MBD5: variants seen among roughly 807,000 people sequenced by gnomAD.
MBD5 encodes methyl-CpG binding domain protein 5.
MBD5 carries 13 observed loss-of-function variants against 117.3 expected under a neutral mutation model. The ratio of observed to expected loss-of-function variants is 0.11; its 90% CI spans 0.07 to 0.18. The LOEUF (loss-of-function observed/expected upper bound fraction) is 0.18, where lower values mean the gene tolerates loss of function less well. MBD5 is among the 10% of genes least tolerant of loss of function. The probability of loss-of-function intolerance (pLI) is 1.00; values close to 1 mark genes in which losing one functional copy is unlikely to be tolerated. For missense variants in MBD5, 1,879 were observed against 2,093.8 expected (o/e 0.90, Z 2.00); for synonymous variants, 727 against 766.4 (o/e 0.95, Z 0.85).
chr2:148,297,168 G>T (rs1257468597), intron 3 of MBD5, among the ~76,000 whole-genome samples: 1 of 152,114 alleles, frequency 6.6e-6, no homozygotes, highest in Non-Finnish European at 1.5e-5. Flanking sequence ...TTACAGGCAT[G>T]AGTTACCGTG....
chr2:148,322,148 C>A (rs1702298193), intron 3 of MBD5, among the ~76,000 whole-genome samples: 1 of 152,194 alleles, frequency 6.6e-6, no homozygotes. Context: ...CAAATTTCTA[C>A]AGTGTAAAGT....
intron 1 of MBD5, among the ~76,000 whole-genome samples, chr2:148,106,964 C>T (rs1248673728): frequency 6.6e-6 from 1 of 151,940 alleles, no homozygotes; most frequent in Non-Finnish European, 1.5e-5. Flanking sequence ...ATTCCTTTGG[C>T]ATTACAGATC....
chr2:148,484,345 A>G (rs1337125683), intron 9 of MBD5, among the ~76,000 whole-genome samples: 1 of 152,190 alleles, frequency 6.6e-6, no homozygotes, highest in Non-Finnish European at 1.5e-5. Context: ...TATTCTAGCA[A>G]TACTAAATAT....
chr2:148,302,214 A>G (rs1701789638), intron 3 of MBD5, among the ~76,000 whole-genome samples: 1 of 152,228 alleles, frequency 6.6e-6, no homozygotes, highest in East Asian at 1.9e-4. Context: ...GGCATGAAGA[A>G]TAGATTGGAG....
At chr2:148,114,186 A>G (rs1484759461) in intron 1 of MBD5, among the ~76,000 whole-genome samples, 1 of 152,042 alleles carries the variant, frequency 6.6e-6, no homozygotes, top group Non-Finnish European at 1.5e-5. Flanking sequence ...GAGTATTCCC[A>G]TGGCCAGGCA....
chr2:148,352,860 G>A (rs139410489), intron 4 of MBD5, among the ~76,000 whole-genome samples: 2 of 152,170 alleles, frequency 1.3e-5, no homozygotes, highest in African/African-American at 4.8e-5. Flanking sequence ...TTCTTTTGAA[G>A]TGATAACATA....
chr2:148,155,557 A>C (rs150310087), intron 1 of MBD5, among the ~76,000 whole-genome samples: 2 of 152,106 alleles, frequency 1.3e-5, no homozygotes, highest in African/African-American at 4.8e-5. Context: ...TCCAACTCCT[A>C]TGTTACTCTT....
At chr2:148,419,714 A>G (rs1705538932) in intron 4 of MBD5, among the ~76,000 whole-genome samples, 1 of 152,132 alleles carries the variant, frequency 6.6e-6, no homozygotes, top group South Asian at 2.1e-4. Context: ...TGTTAGTATT[A>G]TATCCAGCCA....
intron 4 of MBD5, among the ~76,000 whole-genome samples, chr2:148,413,205 C>T (rs1403754506): frequency 2.6e-5 from 4 of 152,154 alleles, no homozygotes; most frequent in Non-Finnish European, 2.9e-5. Context: ...GCCTATTCTG[C>T]GTCTATTAAG....
chr2:148,226,121 T>TC (rs1388694379), intron 2 of MBD5, among the ~76,000 whole-genome samples: 1 of 152,138 alleles, frequency 6.6e-6, no homozygotes, highest in African/African-American at 2.4e-5. Flanking sequence ...CTTTTTTTTT[T>TC]CATTATTATA....
At chr2:148,326,278 G>A (rs2106602901) in intron 3 of MBD5, among the ~76,000 whole-genome samples, 1 of 152,242 alleles carries the variant, frequency 6.6e-6, no homozygotes, top group Non-Finnish European at 1.5e-5. Context: ...TTTTGGAATA[G>A]GTGTGGTGTG....
At chr2:148,172,785 CTCAG>C (rs1282846637) in intron 1 of MBD5, among the ~76,000 whole-genome samples, 2 of 152,124 alleles carry the variant, frequency 1.3e-5, no homozygotes, top group African/African-American at 4.8e-5. Flanking sequence ...AAACTCTGGA[CTCAG>C]TCAGACTCAT....
intron 8 of MBD5, among the ~76,000 whole-genome samples, chr2:148,477,614 G>A (rs1237964056): frequency 6.6e-6 from 1 of 151,626 alleles, no homozygotes; most frequent in Admixed American, 6.6e-5. Context: ...ATTAAAAATC[G>A]GTCCTTTAAA....
intron 11 of MBD5, among the ~76,000 whole-genome samples, chr2:148,494,174 T>C (rs906475528): frequency 3.3e-5 from 5 of 152,334 alleles, no homozygotes; most frequent in South Asian, 4.1e-4. Flanking sequence ...CCTTAGTTAT[T>C]GTTTACCTCT....
intron 2 of MBD5, among the ~76,000 whole-genome samples, chr2:148,210,996 A>G (rs2106008714): frequency 6.6e-6 from 1 of 152,230 alleles, no homozygotes; most frequent in South Asian, 2.1e-4. Context: ...CTCCTTATCC[A>G]TTGCTAACTA....
intron 1 of MBD5, among the ~76,000 whole-genome samples, chr2:148,144,152 G>C (rs532876368): frequency 6.6e-6 from 1 of 152,154 alleles, no homozygotes; most frequent in Admixed American, 6.5e-5. Flanking sequence ...ACTGGTGTGA[G>C]ATGGTATCTC....
intron 3 of MBD5, among the ~76,000 whole-genome samples, chr2:148,331,622 G>C (rs933490534): frequency 6.6e-6 from 1 of 152,008 alleles, no homozygotes; most frequent in African/African-American, 2.4e-5. Flanking sequence ...AAATTTAAAA[G>C]GCTGATATTA....
intron 4 of MBD5, among the ~76,000 whole-genome samples, chr2:148,342,651 G>A: frequency 6.6e-6 from 1 of 151,978 alleles, no homozygotes; most frequent in East Asian, 1.9e-4. Flanking sequence ...TGTATAATAT[G>A]TGGATTTATA....
intron 1 of MBD5, among the ~76,000 whole-genome samples, chr2:148,065,059 G>A (rs898927187): frequency 6.6e-6 from 1 of 152,084 alleles, no homozygotes; most frequent in Non-Finnish European, 1.5e-5. Context: ...AGATGGAGTT[G>A]CACAGCCAGC....
Sources: allele counts gnomAD v4.1 joint callset (sites outside exome capture counted in the v4.1 genomes callset), GRCh38; gene constraint gnomAD v4.1.1; transcripts MANE v1.5; gene names NCBI Gene and HGNC (gene_info 2026-07-23, HGNC 2026-07-21).